TRIO: variants seen among roughly 807,000 people sequenced by gnomAD.
TRIO encodes the protein trio Rho guanine nucleotide exchange factor.
A neutral mutation model predicts 351.9 loss-of-function variants in TRIO; 58 were observed. The ratio of observed to expected loss-of-function variants is 0.16; its 90% confidence interval spans 0.13 to 0.21. The LOEUF (loss-of-function observed/expected upper bound fraction) is 0.21. Among genes scored for constraint, TRIO ranks in the 10% least tolerant of loss-of-function variants. The probability of loss-of-function intolerance (pLI) is 1.00; values close to 1 mark genes in which losing one functional copy is unlikely to be tolerated. For synonymous variants in TRIO, 1,758 were observed against 1,595.7 expected (o/e 1.10, Z -2.42); for missense variants, 3,201 against 4,027.8 (o/e 0.79, Z 5.56).
intron 18 of TRIO, among the ~76,000 whole-genome samples, chr5:14,371,764 C>A (rs867902318): frequency 6.6e-5 from 10 of 151,950 alleles, no homozygotes; most frequent in Admixed American, 3.9e-4. Context: ...CCTCCGCCCC[C>A]CTAGGAGCTA....
In TRIO at chr5:14,405,838, C is replaced by T; in HGVS notation, c.4717-10C>T. Reference sequence around the variant, plus strand: ...TTCCGTATCCTAAGCAACGCTAACACCTTGTTAAGGCTTCCAGCATAGAGA... The same window carrying T: ...TTCCGTATCCTAAGCAACGCTAACATCTTGTTAAGGCTTCCAGCATAGAGA... On this transcript the variant is annotated splice_polypyrimidine_tract_variant and intron_variant, in intron 31 of 56. Coordinates refer to ENST00000344204, the MANE Select transcript of TRIO (RefSeq NM_007118.4). The T allele has an allele frequency of 1.2e-6, 2 of 1,613,322 alleles. 1 individual carries two copies.
chr5:14,320,907 G>A (rs952462024), intron 9 of TRIO, among the ~76,000 whole-genome samples: 3 of 152,198 alleles, frequency 2.0e-5, no homozygotes, highest in Non-Finnish European at 4.4e-5. Context: ...CCTTGTCAAG[G>A]TGCTATCAGG....
chr5:14,456,944 A>G (rs1753357450), intron 34 of TRIO, among the ~76,000 whole-genome samples: 1 of 152,240 alleles, frequency 6.6e-6, no homozygotes, highest in African/African-American at 2.4e-5. Flanking sequence ...TGTACATTGT[A>G]TCACAACCCA....
At chr5:14,243,156 A>G (rs1056839949) in intron 1 of TRIO, among the ~76,000 whole-genome samples, 2 of 151,986 alleles carry the variant, frequency 1.3e-5, no homozygotes, top group Non-Finnish European at 2.9e-5. Flanking sequence ...CATTACTGCT[A>G]TGGCTCTTTC....
rs75179499 is a variant in TRIO, at chr5:14,453,739, G to A, written c.5204-7280G>A. On this transcript the variant is annotated intron_variant, in intron 34 of 56. Coordinates refer to ENST00000344204, the MANE Select transcript of TRIO (RefSeq NM_007118.4). ...TCATCCATCTGGGCCTTGGATCAGC[G>A]GGTTTCCCCAGGCTGGAAAGGGGGA... Among the ~76,000 whole-genome samples the A allele has an allele frequency of 5.2e-3, 784 of 152,230 alleles. 2 individuals are homozygous for A. The highest frequency in any genetic ancestry group is 8.9e-3 in the South Asian group (43 of 4,824).
intron 34 of TRIO, among the ~76,000 whole-genome samples, chr5:14,458,495 C>G (rs796911122): frequency 3.3e-5 from 5 of 152,324 alleles, no homozygotes; most frequent in African/African-American, 1.2e-4. Flanking sequence ...TCAACCCTAA[C>G]AGGGTTTGTA....
intron 1 of TRIO, among the ~76,000 whole-genome samples, chr5:14,216,634 A>G (rs1349479612): frequency 6.6e-6 from 1 of 152,300 alleles, no homozygotes. Context: ...TTGGAGTCCT[A>G]CCTCTTGGTT....
chr5:14,403,439 G>C (rs1748343408), intron 31 of TRIO, among the ~76,000 whole-genome samples: 1 of 83,276 alleles, frequency 1.2e-5, no homozygotes, highest in African/African-American at 8.0e-5. Flanking sequence ...GTAGGTTGTG[G>C]TGAGGGTGTA....
intron 11 of TRIO, 94 bp from the exon 12 acceptor site, chr5:14,358,084 C>A (rs1427278724): frequency 2.1e-6 from 3 of 1,447,648 alleles, no homozygotes; most frequent in South Asian, 2.7e-5. Context: ...GGGCAAGTCA[C>A]ACACCGTCTC....
At chr5:14,387,296 AC>A in intron 21 of TRIO, 141 bp from the exon 22 acceptor site, 1 of 720,396 alleles carries the variant, frequency 1.4e-6, no homozygotes, top group Non-Finnish European at 2.3e-6. Context: ...GAGTGGGTGG[AC>A]CTGGGGCTTT....
intron 20 of TRIO, among the ~76,000 whole-genome samples, chr5:14,380,356 C>G (rs1463039234): frequency 1.3e-5 from 2 of 151,012 alleles, no homozygotes; most frequent in African/African-American, 2.5e-5. Context: ...GCTCCTCGCT[C>G]CTCCCTCGCT....
chr5:14,295,452 G>A (rs1367590195), intron 6 of TRIO, among the ~76,000 whole-genome samples: 1 of 152,154 alleles, frequency 6.6e-6, no homozygotes, highest in Non-Finnish European at 1.5e-5. Context: ...ACATAGACTA[G>A]TAAAGTCTGT....
chr5:14,344,659 A>G (rs1742255766), intron 11 of TRIO, among the ~76,000 whole-genome samples: 1 of 152,210 alleles, frequency 6.6e-6, no homozygotes, highest in East Asian at 1.9e-4. Flanking sequence ...TACAGACTTT[A>G]AAGTAAGGGG....
intron 1 of TRIO, among the ~76,000 whole-genome samples, chr5:14,230,614 G>A (rs982561978): frequency 1.3e-5 from 2 of 152,006 alleles, no homozygotes; most frequent in African/African-American, 2.4e-5. Context: ...TTTCTGACTT[G>A]TTTTCCATGA....
intron 1 of TRIO, among the ~76,000 whole-genome samples, chr5:14,189,105 A>G (rs929825983): frequency 5.3e-5 from 8 of 152,202 alleles, no homozygotes; most frequent in African/African-American, 1.9e-4. Flanking sequence ...AAGGAATCAC[A>G]TTGCTTTTTA....
chr5:14,405,827 C>T (rs1378908503), intron 31 of TRIO, 21 bp from the exon 32 acceptor site: 3 of 1,609,090 alleles, frequency 1.9e-6, no homozygotes, highest in Non-Finnish European at 2.6e-6. Flanking sequence ...GTATCCTAAG[C>T]AACGCTAACA....
Position 14,507,895 on chromosome 5 carries a change from G to A in TRIO, c.8767G>A (p.Val2923Met), listed in dbSNP as rs200758734. Residue 2923 changes from valine to methionine, a missense_variant, in exon 57 of 57, where the codon GTG (valine) becomes ATG (methionine). Val to Met is a conservative substitution (Grantham distance 21). Coordinates refer to ENST00000344204, the MANE Select transcript of TRIO (RefSeq NM_007118.4). The stretch of plus-strand genomic sequence containing the variant: ...TGATTTCCAGCCTGAGAATATCCTG[G>A]TGGATGAGAGTTTAGCCAAGCCAAC... ...HLDLKPENILVDESLAKPTIK... is the reference protein window; with the variant it reads ...HLDLKPENILMDESLAKPTIK... The A allele has an allele frequency of 1.2e-5, 20 of 1,613,424 alleles. No homozygotes were observed. The highest frequency in any genetic ancestry group is 1.5e-5 in the Non-Finnish European group (18 of 1,179,666).
intron 7 of TRIO, among the ~76,000 whole-genome samples, chr5:14,301,438 C>G (rs1047210831): frequency 6.6e-6 from 1 of 152,080 alleles, no homozygotes; most frequent in African/African-American, 2.4e-5. Context: ...CTTAAAGCAT[C>G]AGATACTAAG....
At chr5:14,447,404 A>G (rs988419794) in intron 34 of TRIO, among the ~76,000 whole-genome samples, 1 of 152,216 alleles carries the variant, frequency 6.6e-6, no homozygotes, top group Middle Eastern at 3.2e-3. Context: ...TAGGTAAAAG[A>G]TGTTTCCATG....
Sources: gnomAD v4.1 joint callset for allele counts (sites outside exome capture counted in the v4.1 genomes callset) on GRCh38, gnomAD v4.1.1 for gene constraint, MANE v1.5 for transcripts, NCBI Gene and HGNC (gene_info 2026-07-23, HGNC 2026-07-21) for gene names.